Variants in SPATA22 observed in about 807,000 individuals in gnomAD.
The protein encoded by SPATA22 is spermatogenesis associated 22, also known as spermatogenesis-associated protein 22.
In SPATA22, 29 loss-of-function variants were observed where a neutral mutation model predicts 47.8. The observed-to-expected ratio is 0.61, with a 90% confidence interval of 0.45 to 0.83. The LOEUF is 0.83. Ranked by LOEUF, SPATA22 falls within the 40% of genes least tolerant of loss-of-function variation. SPATA22 has a pLI of 0.00. For missense variants in SPATA22, 410 were observed against 421.7 expected (o/e 0.97, Z 0.24); for synonymous variants, 133 against 140.9 (o/e 0.94, Z 0.40).
At chr17:3,507,436 T>C (rs1044865831) in intron 1 of SPATA22, among the ~76,000 whole-genome samples, 6 of 152,242 alleles carry the variant, frequency 3.9e-5, no homozygotes, top group Non-Finnish European at 7.3e-5. Context: ...CCATACTTCA[T>C]GTTCAATTTT....
intron 1 of SPATA22, among the ~76,000 whole-genome samples, chr17:3,508,388 T>C (rs1045399863): frequency 6.6e-6 from 1 of 151,872 alleles, no homozygotes; most frequent in Non-Finnish European, 1.5e-5. Flanking sequence ...GACCCAGCCA[T>C]CCCATGACTG....
chr17:3,453,418 T>C (rs970105921), intron 5 of SPATA22, among the ~76,000 whole-genome samples: 1 of 152,008 alleles, frequency 6.6e-6, no homozygotes, highest in Non-Finnish European at 1.5e-5. Flanking sequence ...AAGACAAAAA[T>C]AGATGCAGAA....
chr17:3,447,350 G>A (rs768533032), intron 6 of SPATA22, among the ~76,000 whole-genome samples: 1 of 152,054 alleles, frequency 6.6e-6, no homozygotes, highest in Non-Finnish European at 1.5e-5. Context: ...CCTTTGTGAG[G>A]GTGAGGGTTG....
intron 3 of SPATA22, 72 bp downstream of exon 3, chr17:3,467,354 A>G: frequency 8.3e-7 from 1 of 1,202,442 alleles, no homozygotes; most frequent in South Asian, 1.5e-5. Flanking sequence ...TTTTCATTAT[A>G]ATATAAATTA....
At chr17:3,472,454 T>C (rs548062286), upstream of SPATA22, 1 of 152,446 alleles carries the variant, frequency 6.6e-6, no homozygotes, top group Non-Finnish European at 1.5e-5. Context: ...CCTGGCCCTG[T>C]GACCTTGGGC....
chr17:3,513,805 C>G (rs950189808), exon 1 of SPATA22: 5 of 898,172 alleles, frequency 5.6e-6, no homozygotes, highest in Non-Finnish European at 8.9e-6. Flanking sequence ...CACTCTGCTT[C>G]TAGGCCAGCA....
At chr17:3,463,956 T>A (rs1409726247) in intron 3 of SPATA22, among the ~76,000 whole-genome samples, 3 of 63,408 alleles carry the variant, frequency 4.7e-5, no homozygotes, top group East Asian at 8.3e-4. Flanking sequence ...CCTCTGCCTC[T>A]CCCTCTGCCT....
chr17:3,462,174 A>G (rs928775881), intron 5 of SPATA22, among the ~76,000 whole-genome samples: 2 of 152,202 alleles, frequency 1.3e-5, no homozygotes, highest in Admixed American at 6.5e-5. Flanking sequence ...TTGTCAATTA[A>G]ATCATTAATA....
intron 5 of SPATA22, among the ~76,000 whole-genome samples, chr17:3,461,749 C>A (rs1276859636): frequency 6.6e-6 from 1 of 152,150 alleles, no homozygotes; most frequent in African/African-American, 2.4e-5. Context: ...GTATTAACTT[C>A]ATATGGTTGT....
At chr17:3,503,116 A>G (rs964562919) in intron 1 of SPATA22, 1 of 152,172 alleles carries the variant, frequency 6.6e-6, no homozygotes, top group Admixed American at 6.5e-5. Flanking sequence ...CAGCCAATAA[A>G]GAGTGTTTTT....
At chr17:3,443,848 A>T (rs1291199353) in intron 7 of SPATA22, among the ~76,000 whole-genome samples, 1 of 143,288 alleles carries the variant, frequency 7.0e-6, no homozygotes, top group Non-Finnish European at 1.6e-5. Flanking sequence ...GCAAGTTAAC[A>T]TACCCAACAC....
At chr17:3,494,322 C>G (rs1401165262) in intron 1 of SPATA22, 1 of 1,533,324 alleles carries the variant, frequency 6.5e-7, no homozygotes, top group Non-Finnish European at 9.0e-7. Flanking sequence ...TTTTTAGTTG[C>G]CATTGATACA....
intron 1 of SPATA22, among the ~76,000 whole-genome samples, chr17:3,495,666 T>C (rs985523138): frequency 4.6e-5 from 7 of 152,196 alleles, no homozygotes; most frequent in Admixed American, 1.3e-4. Flanking sequence ...CCTCCCGGGT[T>C]CAAGCAATTC....
At chr17:3,492,360 G>T (rs2073839455) in intron 1 of SPATA22, among the ~76,000 whole-genome samples, 2 of 152,162 alleles carry the variant, frequency 1.3e-5, no homozygotes, top group African/African-American at 4.8e-5. Context: ...ATACTCCTTT[G>T]TGTTCTATCA....
rs2073309683 is a variant in SPATA22, at chr17:3,466,178, A to G, written c.172+1248T>C. Among the ~76,000 whole-genome samples, 3 of 150,378 alleles carry G rather than the reference A, an allele frequency of 2.0e-5. No homozygotes were observed. In the South Asian group the frequency reaches 6.5e-4, roughly 32 times the overall value. On this transcript the variant is annotated intron_variant, in intron 3 of 8. Coordinates refer to ENST00000572969, the MANE Select transcript of SPATA22 (RefSeq NM_001170698.2). ...ATATTAAAGTCTATGGGAGCACACTAGATGAAATTAACAATACAAGTATTG... is the reference window on the plus strand; with the variant it reads ...ATATTAAAGTCTATGGGAGCACACTGGATGAAATTAACAATACAAGTATTG...
At position 3,449,161 on chromosome 17, in the gene SPATA22, C is replaced by CAAAAAAA; in HGVS notation, c.330-19_330-13dup. 1 of 1,397,296 alleles carries CAAAAAAA rather than the reference C, an allele frequency of 7.2e-7. No homozygotes were observed. Among genetic ancestry groups the CAAAAAAA allele is most frequent in the Non-Finnish European group, 9.6e-7 (1 of 1,044,800 alleles). 86.6% of individuals were successfully genotyped at this position (1,397,296 alleles called of 1,614,324 possible). A position where few individuals can be genotyped will look rare whatever the true frequency, so the allele number is the denominator to read the frequency against. On this transcript the variant is annotated splice_polypyrimidine_tract_variant and intron_variant, in intron 5 of 8. Transcript: ENST00000572969. ...TACCATCTCTGTAGCTGTAATAGTG[C>CAAAAAAA]AAAAAAAAAGCATTTGTTTCTATAT...
intron 1 of SPATA22, among the ~76,000 whole-genome samples, chr17:3,505,752 T>G (rs60375756): frequency 1.0e-3 from 25 of 24,892 alleles, no homozygotes; most frequent in Admixed American, 6.3e-3. Context: ...GTTTGTTGTT[T>G]TTTGTTTTTT....
chr17:3,464,243 A>C (rs1333543797), intron 3 of SPATA22, among the ~76,000 whole-genome samples: 1 of 151,582 alleles, frequency 6.6e-6, no homozygotes, highest in Non-Finnish European at 1.5e-5. Context: ...CGGCCTCCGG[A>C]GGTGCCGGGA....
chr17:3,510,310 C>T (rs936754081), intron 1 of SPATA22, among the ~76,000 whole-genome samples: 3 of 152,154 alleles, frequency 2.0e-5, no homozygotes, highest in Admixed American at 6.5e-5. Flanking sequence ...GATGTGAATG[C>T]GCTTTGAGAT....
Sources: gnomAD v4.1 joint callset for allele counts (sites outside exome capture counted in the v4.1 genomes callset) on GRCh38, gnomAD v4.1.1 for gene constraint, MANE v1.5 for transcripts, NCBI Gene and HGNC (gene_info 2026-07-23, HGNC 2026-07-21) for gene names.